The following CYSLTR2 variants were observed in gnomAD, a reference collection of about 807,000 sequenced individuals.
The protein encoded by CYSLTR2 is cysteinyl leukotriene receptor 2.
For missense variants in CYSLTR2, 398 were observed against 411.9 expected (o/e 0.97, Z 0.29); for synonymous variants, 179 against 160.8 (o/e 1.11, Z -0.86).
At position 48,704,987 on chromosome 13, in the gene CYSLTR2, A is replaced by G. The variant is rs1594028152; in HGVS notation, c.-1-1830A>G. Among the ~76,000 whole-genome samples the G allele has an allele frequency of 3.3e-5, 5 of 152,258 alleles. No individual in the cohort carries two copies. In the South Asian group the frequency reaches 1.0e-3, roughly 32 times the overall value. On this transcript the variant is annotated intron_variant, in intron 4 of 4. Coordinates refer to ENST00000682523, the MANE Select transcript of CYSLTR2 (RefSeq NM_001308476.3). The stretch of plus-strand genomic sequence containing the variant: ...GGTTGATGGTGTTTTTAGTTTTTCT[A>G]TACCTTTGCTGAGTTTTTGTCTATT...
At chr13:48,689,148 G>C (rs1324900169) in intron 1 of CYSLTR2, among the ~76,000 whole-genome samples, 1 of 152,162 alleles carries the variant, frequency 6.6e-6, no homozygotes, top group Non-Finnish European at 1.5e-5. Context: ...TGTAGATTCT[G>C]GATATTAGCC....
intron 1 of CYSLTR2, among the ~76,000 whole-genome samples, chr13:48,667,546 C>T (rs920004170): frequency 1.3e-5 from 2 of 152,158 alleles, no homozygotes; most frequent in South Asian, 2.1e-4. Flanking sequence ...GGGGACATGC[C>T]TTCCAGGGGT....
At chr13:48,692,817 A>G (rs1233261847) in intron 2 of CYSLTR2, among the ~76,000 whole-genome samples, 1 of 151,434 alleles carries the variant, frequency 6.6e-6, no homozygotes, top group Non-Finnish European at 1.5e-5. Flanking sequence ...GTTTCAATAT[A>G]TAAATATATG....
intron 1 of CYSLTR2, among the ~76,000 whole-genome samples, chr13:48,679,833 A>C (rs1270611911): frequency 6.6e-6 from 1 of 152,110 alleles, no homozygotes; most frequent in Non-Finnish European, 1.5e-5. Context: ...AGGAGCCATG[A>C]GAGTAGCAAT....
intron 1 of CYSLTR2, among the ~76,000 whole-genome samples, chr13:48,679,279 C>T (rs74074714): frequency 0.029 from 4,448 of 152,216 alleles, 211 homozygotes; most frequent in African/African-American, 0.1. Context: ...TGGCCCCTCC[C>T]CTGCATTCTC....
rs754174807 is a variant in CYSLTR2 at position 48,707,608 on chromosome 13, A to G, written c.791A>G (p.His264Arg). 1.2e-6 allele frequency: 2 copies of G among 1,612,160 alleles called. No homozygotes were observed. The highest frequency in any genetic ancestry group is 4.5e-5 in the East Asian group (2 of 44,884). The part of the protein sequence containing the change: ...IIFFLCFLPY[H>R]TLRTVHLTTW... ...TTCTTCTTGTGTTTCCTGCCCTATC[A>G]CACACTGAGGACCGTCCACTTGACG... is the stretch of plus-strand genomic sequence containing the variant. The change falls in exon 5 of 5, where the codon CAC becomes CGC. Residue 264 changes from histidine (H) to arginine (R), a missense_variant. Physicochemically the swap from His to Arg is conservative, Grantham distance 29. Transcript: ENST00000682523.
At position 48,706,906 on chromosome 13, in the gene CYSLTR2, A is replaced by G. The variant is rs1954503922; in HGVS notation, c.89A>G (p.Asn30Ser). ...NGTFSNNNSR[N>S]CTIENFKREF... is the part of the protein sequence containing the mutation. Reference sequence around the variant, plus strand: ...ACCTTCAGCAATAACAACAGCAGGAACTGCACAATTGAAAACTTCAAGAGA... The same window carrying G: ...ACCTTCAGCAATAACAACAGCAGGAGCTGCACAATTGAAAACTTCAAGAGA... The change falls in exon 5 of 5, where the codon AAC (asparagine) becomes AGC (serine). Residue 30 changes from asparagine to serine, a missense_variant. Transcript: ENST00000682523. 6.2e-7 allele frequency: 1 copy of G among 1,614,196 alleles called. No homozygotes were observed. Among genetic ancestry groups the G allele is most frequent in the Non-Finnish European group, 8.5e-7 (1 of 1,180,000 alleles).
chr13:48,674,288 T>G (rs559638134), intron 1 of CYSLTR2, among the ~76,000 whole-genome samples: 1 of 152,346 alleles, frequency 6.6e-6, no homozygotes, highest in African/African-American at 2.4e-5. Flanking sequence ...TCTTTTCATA[T>G]AGTCACATAT....
intron 1 of CYSLTR2, among the ~76,000 whole-genome samples, chr13:48,676,559 TAACTC>T: frequency 6.6e-6 from 1 of 152,300 alleles, no homozygotes; most frequent in Non-Finnish European, 1.5e-5. Flanking sequence ...ACAATGGAGA[TAACTC>T]AGCCAATTGA....
intron 1 of CYSLTR2, among the ~76,000 whole-genome samples, chr13:48,668,253 C>G (rs1054919768): frequency 2.6e-5 from 4 of 151,532 alleles, no homozygotes; most frequent in Non-Finnish European, 2.9e-5. Flanking sequence ...AAAAGAGAGA[C>G]CCACGGGAAA....
chr13:48,667,808 A>G (rs115673055), intron 1 of CYSLTR2, among the ~76,000 whole-genome samples: 155 of 152,308 alleles, frequency 1.0e-3, no homozygotes, highest in African/African-American at 3.6e-3. Flanking sequence ...AAGTTATTAG[A>G]TAAACATACA....
intron 1 of CYSLTR2, among the ~76,000 whole-genome samples, chr13:48,665,662 C>T (rs1346717862): frequency 6.6e-6 from 1 of 151,944 alleles, no homozygotes; most frequent in Admixed American, 6.6e-5. Context: ...CATGGAATAT[C>T]TTTTTTCGTC....
rs1954607939 is a variant in CYSLTR2 at position 48,710,461 on chromosome 13, T to C, written c.*2603T>C. ...AAGTCACTCTTATTTTACTTACTAA[T>C]GTCCCCAAAGCATAAGAGTAGTGAT... On this transcript the variant is annotated 3_prime_UTR_variant, in exon 5 of 5. Transcript: ENST00000682523. 1 of 152,144 alleles carries C rather than the reference T, an allele frequency of 6.6e-6. No homozygotes were observed. Among genetic ancestry groups the C allele is most frequent in the Non-Finnish European group, 1.5e-5 (1 of 68,028 alleles). The allele number at this position is 152,144 out of a possible 1,614,324, so 9.4% of individuals were successfully genotyped here. A position where few individuals can be genotyped will look rare whatever the true frequency, so the allele number is the denominator to read the frequency against.
At chr13:48,693,724 G>T (rs1228904887) in intron 3 of CYSLTR2, among the ~76,000 whole-genome samples, 1 of 151,658 alleles carries the variant, frequency 6.6e-6, no homozygotes, top group African/African-American at 2.4e-5. Context: ...ATTAAAATTG[G>T]TTTAAGCCCC....
chr13:48,689,769 GT>G (rs934786456), intron 1 of CYSLTR2, among the ~76,000 whole-genome samples: 1 of 151,820 alleles, frequency 6.6e-6, no homozygotes, highest in Non-Finnish European at 1.5e-5. Context: ...ATTTAAAGTA[GT>G]TTTTTTTCTA....
At chr13:48,680,800 CT>C (rs139896583) in intron 1 of CYSLTR2, among the ~76,000 whole-genome samples, 2,176 of 55,056 alleles carry the variant, frequency 0.04, 11 homozygotes, top group Non-Finnish European at 0.053. Context: ...CTTTTCTTTT[CT>C]TTTTTTTTTT....
rs1954550325 is a variant in CYSLTR2 at position 48,707,951 on chromosome 13, C to T, written c.*93C>T. On this transcript the variant is annotated 3_prime_UTR_variant, in exon 5 of 5. Coordinates refer to ENST00000682523, the MANE Select transcript of CYSLTR2 (RefSeq NM_001308476.3). ...GACTTTGTATTTACATCACTCCCAA[C>T]AAATGTTGATTCTTAATATTTAGTT... 2.9e-6 allele frequency: 3 copies of T among 1,047,228 alleles called. No individual in the cohort carries two copies. Among genetic ancestry groups the T allele is most frequent in the Non-Finnish European group, 4.0e-6 (3 of 757,396 alleles). 64.9% of individuals were successfully genotyped at this position (1,047,228 alleles called of 1,614,324 possible). A position where few individuals can be genotyped will look rare whatever the true frequency, so the allele number is the denominator to read the frequency against.
chr13:48,660,464 C>T lies in CYSLTR2; in HGVS notation c.-266+6447C>T, dbSNP rs1342068923. Among the ~76,000 whole-genome samples, 3 of 152,126 alleles carry T rather than the reference C, an allele frequency of 2.0e-5. No individual in the cohort carries two copies. In the South Asian group the frequency reaches 6.2e-4, roughly 32 times the overall value. On this transcript the variant is annotated intron_variant, in intron 1 of 4. Transcript: ENST00000682523. Reference sequence around the variant, plus strand: ...CTCATACTTTGGGGGCTCCTTGAGGCACTTTGTGGGTGACCGGGTAGAGGA... The same window carrying T: ...CTCATACTTTGGGGGCTCCTTGAGGTACTTTGTGGGTGACCGGGTAGAGGA...
Position 48,694,180 on chromosome 13 carries a change from A to G in CYSLTR2, c.-103+670A>G, listed in dbSNP as rs188426958. Among the ~76,000 whole-genome samples the G allele has an allele frequency of 4.6e-3, 704 of 152,236 alleles. 9 individuals carry two copies. The highest frequency in any genetic ancestry group is 0.016 in the African/African-American group (652 of 41,488). On this transcript the variant is annotated intron_variant, in intron 3 of 4. Transcript: ENST00000682523. Reference sequence around the variant, plus strand: ...TCTACAATGAGGGCTGAGAAACGAAAAAAACAGTAGTTCTCAAGCTCACAA... The same window carrying G: ...TCTACAATGAGGGCTGAGAAACGAAGAAAACAGTAGTTCTCAAGCTCACAA...
Sources: allele counts gnomAD v4.1 joint callset (sites outside exome capture counted in the v4.1 genomes callset), GRCh38; gene constraint gnomAD v4.1.1; transcripts MANE v1.5; gene names NCBI Gene and HGNC (gene_info 2026-07-23, HGNC 2026-07-21).